The following CPAMD8 variants were observed in gnomAD, a reference collection of about 807,000 sequenced individuals.
CPAMD8 encodes C3 and PZP like alpha-2-macroglobulin domain containing 8, also known as C3 and PZP-like alpha-2-macroglobulin domain-containing protein 8.
In CPAMD8, 146 loss-of-function variants were observed where a neutral mutation model predicts 224.7. The observed-to-expected ratio is 0.65, with a 90% CI of 0.57 to 0.75. The LOEUF is 0.75. CPAMD8 is among the 30% of genes least tolerant of loss of function. The pLI is 0.00. For synonymous variants in CPAMD8, 966 were observed against 1,044.6 expected (o/e 0.92, Z 1.45); for missense variants, 2,301 against 2,537.5 (o/e 0.91, Z 2.00).
At chr19:16,977,590 T>C (rs1199470140) in intron 14 of CPAMD8, 50 bp from the exon 15 acceptor site, 1 of 1,430,050 alleles carries the variant, frequency 7.0e-7, no homozygotes. Flanking sequence ...GCATCCGACA[T>C]GCAACCTCAG....
Position 16,896,044 on chromosome 19 carries a change from C to T in CPAMD8, c.5426+132G>A, listed in dbSNP as rs1353181166. The T allele has an allele frequency of 3.0e-6, 3 of 995,090 alleles. No individual in the cohort carries two copies. In the East Asian group the frequency reaches 7.2e-5, roughly 24 times the overall value. The allele number at this position is 995,090 out of a possible 1,614,324, so 61.6% of individuals were successfully genotyped here. A position where few individuals can be genotyped will look rare whatever the true frequency, so the allele number is the denominator to read the frequency against. On this transcript the variant is annotated intron_variant, in intron 41 of 41. Coordinates refer to ENST00000443236, the MANE Select transcript of CPAMD8 (RefSeq NM_015692.5). ...ACTCTGAGCCTCTGACCCTGAGTCA[C>T]TCCCACTGCCAGTGGGGGGTCGGGG...
At chr19:16,984,338 G>C (rs999765666) in intron 13 of CPAMD8, among the ~76,000 whole-genome samples, 1 of 147,352 alleles carries the variant, frequency 6.8e-6, no homozygotes, top group Non-Finnish European at 1.5e-5. Context: ...AAAAGAGAGA[G>C]AGAGAGAGAG....
At chr19:16,985,893 T>A (rs2055703797) in intron 13 of CPAMD8, among the ~76,000 whole-genome samples, 1 of 152,070 alleles carries the variant, frequency 6.6e-6, no homozygotes, top group Non-Finnish European at 1.5e-5. Flanking sequence ...CATTAATTTA[T>A]AAATCTAGGT....
intron 35 of CPAMD8, among the ~76,000 whole-genome samples, chr19:16,901,573 C>G (rs566733937): frequency 6.6e-6 from 1 of 152,224 alleles, no homozygotes; most frequent in Admixed American, 6.5e-5. Flanking sequence ...CTGGACTTCA[C>G]TCTGTGTCCC....
At position 17,004,294 on chromosome 19, in the gene CPAMD8, A is replaced by C. The variant is rs1382449706; in HGVS notation, c.652T>G (p.Ser218Ala). ...VEMQGHAYNK[S>A]FEVQKYVLPK... ...TTACCATACTTCTGAACTTCAAAAG[A>C]CTTGTTGTACGCGTGGCCTTGCATT... The change falls in exon 8 of 42, where the codon TCT (serine) becomes GCT (alanine). Residue 218 changes from serine (S) to alanine (A), a missense_variant. By Grantham distance (99) the Ser-to-Ala change is moderately conservative (BLOSUM62 1). Transcript: ENST00000443236. The C allele has an allele frequency of 1.2e-6, 2 of 1,608,948 alleles. No individual in the cohort carries two copies. Among genetic ancestry groups the C allele is most frequent in the African/African-American group, 2.7e-5 (2 of 74,806 alleles).
intron 8 of CPAMD8, 102 bp from the exon 9 acceptor site, chr19:17,002,452 C>T: frequency 1.4e-6 from 1 of 730,340 alleles, no homozygotes; most frequent in South Asian, 1.6e-5. Context: ...AGCACCTGGC[C>T]ACCACCGAGG....
In CPAMD8 at chr19:16,949,798, C is replaced by T. The variant is rs1202966437; in HGVS notation, c.2508+2171G>A. 2.0e-5 allele frequency among the ~76,000 whole-genome samples: 3 copies of T among 152,316 alleles called. No homozygotes were observed. In the East Asian group the frequency reaches 5.8e-4, roughly 29 times the overall value. On this transcript the variant is annotated intron_variant, in intron 20 of 41. Coordinates refer to ENST00000443236, the MANE Select transcript of CPAMD8 (RefSeq NM_015692.5). ...GCCCTTCCCGCCCCGATGCCTGACT[C>T]AAACATCACCTGCAGACTCTCAGGT... is the stretch of plus-strand genomic sequence containing the variant.
intron 19 of CPAMD8, among the ~76,000 whole-genome samples, chr19:16,955,491 G>A (rs1186580727): frequency 2.0e-5 from 3 of 152,162 alleles, no homozygotes; most frequent in Admixed American, 2.0e-4. Context: ...AGAGAGGGGA[G>A]TGAGTGTTTA....
At chr19:16,904,007 C>T in intron 32 of CPAMD8, 150 bp from the exon 33 acceptor site, 1 of 925,234 alleles carries the variant, frequency 1.1e-6, no homozygotes, top group Non-Finnish European at 1.6e-6. Context: ...GCACTGGGGG[C>T]CTCAGGACAG....
chr19:16,955,916 A>G (rs1373878603), intron 19 of CPAMD8, among the ~76,000 whole-genome samples: 2 of 152,054 alleles, frequency 1.3e-5, no homozygotes, highest in African/African-American at 2.4e-5. Context: ...GGCTCAAGCA[A>G]TCCTCCTGCC....
At chr19:16,943,001 TTTCTTTTTTC>T (rs1271451885) in intron 22 of CPAMD8, among the ~76,000 whole-genome samples, 6 of 141,930 alleles carry the variant, frequency 4.2e-5, no homozygotes, top group Non-Finnish European at 7.5e-5. Flanking sequence ...TTTTTTCTTT[TTTCTTTTTTC>T]TTTTTTTTTT....
Position 16,904,416 on chromosome 19 carries a change from G to T in CPAMD8, c.4114+50C>A, listed in dbSNP as rs923615614. On this transcript the variant is annotated intron_variant, in intron 31 of 41. Transcript: ENST00000443236. ...TTTGACACAGGGACATGGACCCAGTGCATGGAGGTATGGCCAAGGCAGGCA... is the reference window on the plus strand; with the variant it reads ...TTTGACACAGGGACATGGACCCAGTTCATGGAGGTATGGCCAAGGCAGGCA... The T allele has an allele frequency of 3.1e-6, 5 of 1,613,864 alleles. No individual in the cohort carries two copies. In the African/African-American group the frequency reaches 5.3e-5, roughly 17 times the overall value.
intron 13 of CPAMD8, among the ~76,000 whole-genome samples, chr19:16,989,040 C>T (rs554598252): frequency 2.2e-4 from 33 of 152,236 alleles, no homozygotes; most frequent in Middle Eastern, 3.4e-3. Context: ...CACCCCCAGA[C>T]GGGACTGTCT....
intron 22 of CPAMD8, among the ~76,000 whole-genome samples, chr19:16,943,682 T>C (rs8111257): frequency 0.31 from 47,291 of 152,142 alleles, 9,041 homozygotes; most frequent in African/African-American, 0.54. Context: ...AAATAGAAAG[T>C]GTATCCCTGA....
At chr19:17,005,673 G>A (rs1293665683) in intron 7 of CPAMD8, among the ~76,000 whole-genome samples, 2 of 152,154 alleles carry the variant, frequency 1.3e-5, no homozygotes, top group Non-Finnish European at 2.9e-5. Context: ...GGCCATACAG[G>A]GAAGGGACAG....
chr19:16,954,716 G>A (rs951595708), intron 19 of CPAMD8, among the ~76,000 whole-genome samples: 1 of 152,214 alleles, frequency 6.6e-6, no homozygotes, highest in African/African-American at 2.4e-5. Context: ...TGGGTACAGT[G>A]GCTCACGCCT....
chr19:16,921,915 C>T lies in CPAMD8; in HGVS notation c.3619G>A (p.Gly1207Arg). 6.5e-7 allele frequency: 1 copy of T among 1,544,352 alleles called. No individual in the cohort carries two copies. The highest frequency in any genetic ancestry group is 1.2e-5 in the South Asian group (1 of 84,050). ...YSAFGERDAS[G>R]SMWLTAFVLK... is the part of the protein sequence containing the mutation. ...GCGGTGGGGACTCACCACATGCTCC[C>T]CGATGCGTCCCGCTCCCCAAACGCG... The change falls in exon 27 of 42, where the codon GGG becomes AGG. Residue 1207 changes from glycine to arginine, a missense_variant. This residue lies in a region of CPAMD8 where 1,709 missense variants were observed against 1,753.2 expected (regional missense o/e 0.97). Coordinates refer to ENST00000443236, the MANE Select transcript of CPAMD8 (RefSeq NM_015692.5).
chr19:16,987,911 G>T (rs565915231), intron 13 of CPAMD8, among the ~76,000 whole-genome samples: 1 of 151,946 alleles, frequency 6.6e-6, no homozygotes, highest in Non-Finnish European at 1.5e-5. Context: ...CAATCCTCCC[G>T]CCTCAGCCTC....
At chr19:17,012,959 G>A (rs1268405746) in intron 3 of CPAMD8, among the ~76,000 whole-genome samples, 1 of 151,106 alleles carries the variant, frequency 6.6e-6, no homozygotes, top group Non-Finnish European at 1.5e-5. Context: ...GGGGTGGGCG[G>A]ATCACCTGAG....
Sources: gnomAD v4.1 joint callset for allele counts (sites outside exome capture counted in the v4.1 genomes callset) on GRCh38, gnomAD v4.1.1 for gene constraint, gnomAD v4.1.1 regional missense constraint, MANE v1.5 for transcripts, NCBI Gene and HGNC (gene_info 2026-07-23, HGNC 2026-07-21) for gene names.